MAP2K5: variants seen among roughly 807,000 people sequenced by gnomAD.
MAP2K5 encodes mitogen-activated protein kinase kinase 5.
Under a neutral mutation model 83.1 loss-of-function variants are expected in MAP2K5, and 49 were observed. The ratio of observed to expected loss-of-function variants is 0.59; its 90% confidence interval spans 0.47 to 0.75. The LOEUF is 0.75. Among genes scored for constraint, MAP2K5 ranks in the 30% least tolerant of loss-of-function variants. The pLI, the probability that MAP2K5 is intolerant of heterozygous loss-of-function variation, is 0.00. For synonymous variants in MAP2K5, 202 were observed against 191.8 expected (o/e 1.05, Z -0.44); for missense variants, 457 against 557.5 (o/e 0.82, Z 1.82).
Position 67,543,094 on chromosome 15 carries a change from G to A in MAP2K5, c.-242G>A. ...CCTCCGCTAGTTCCTGCGGGCCTTT[G>A]CCCGCTTCCCGGTGCACCCTCCCCG... On this transcript the variant is annotated 5_prime_UTR_variant, in exon 1 of 22. Coordinates refer to ENST00000178640, the MANE Select transcript of MAP2K5 (RefSeq NM_145160.3). This position sits in a 1 kb window ranked among gnomAD's most constrained non-coding sequence, Gnocchi z 4.3. The A allele has an allele frequency of 1.8e-6, 1 of 551,078 alleles. No individual in the cohort carries two copies. The highest frequency in any genetic ancestry group is 3.3e-6 in the Non-Finnish European group (1 of 306,392). The allele number at this position is 551,078 out of a possible 1,614,324, so 34.1% of individuals were successfully genotyped here. A position where few individuals can be genotyped will look rare whatever the true frequency, so the allele number is the denominator to read the frequency against.
intron 14 of MAP2K5, among the ~76,000 whole-genome samples, chr15:67,693,063 G>A (rs544080152): frequency 6.6e-6 from 1 of 152,166 alleles, no homozygotes; most frequent in African/African-American, 2.4e-5. Context: ...AGCCAAACAC[G>A]AAGACCAAAG....
At chr15:67,645,312 C>G (rs2086806967) in intron 9 of MAP2K5, among the ~76,000 whole-genome samples, 1 of 152,114 alleles carries the variant, frequency 6.6e-6, no homozygotes, top group Non-Finnish European at 1.5e-5. Flanking sequence ...ACCCCCATCT[C>G]TACCAAAAAT....
chr15:67,776,702 A>G (rs2090246339), intron 21 of MAP2K5, among the ~76,000 whole-genome samples: 1 of 152,232 alleles, frequency 6.6e-6, no homozygotes, highest in Non-Finnish European at 1.5e-5. Context: ...TAAAAGGGGT[A>G]TGTGAGATAT....
chr15:67,691,683 C>T (rs1043814800), intron 13 of MAP2K5, among the ~76,000 whole-genome samples: 18 of 152,130 alleles, frequency 1.2e-4, no homozygotes, highest in African/African-American at 3.4e-4. Flanking sequence ...CCTTGGGTGG[C>T]TTTTTTGGGC....
At chr15:67,806,176 G>C (rs900419517) in intron 21 of MAP2K5, among the ~76,000 whole-genome samples, 1 of 152,200 alleles carries the variant, frequency 6.6e-6, no homozygotes, top group Non-Finnish European at 1.5e-5. Context: ...TTTTATAGGA[G>C]AGCTGTAGAC....
At position 67,603,303 on chromosome 15, in the gene MAP2K5, A is replaced by G. The variant is rs148137560; in HGVS notation, c.545+2554A>G. Among the ~76,000 whole-genome samples, 604 of 152,302 alleles carry G rather than the reference A, an allele frequency of 4.0e-3. 4 individuals are homozygous for G. Among genetic ancestry groups the G allele is most frequent in the Middle Eastern group, 6.8e-3 (2 of 294 alleles). On this transcript the variant is annotated intron_variant, in intron 8 of 21. Coordinates refer to ENST00000178640, the MANE Select transcript of MAP2K5 (RefSeq NM_145160.3). ...AACTTCTCCTTTAATTAGGGCTACT[A>G]TGTCAAAGGGACCATTCTTCTATAT...
At chr15:67,628,074 C>A in intron 8 of MAP2K5, 1 of 744,784 alleles carries the variant, frequency 1.3e-6, no homozygotes, top group Non-Finnish European at 2.4e-6. Flanking sequence ...GAATGCAAGG[C>A]CACGCAAGGT....
intron 13 of MAP2K5, 74 bp from the exon 14 acceptor site, chr15:67,692,405 C>T (rs890504069): frequency 5.3e-6 from 5 of 948,738 alleles, no homozygotes; most frequent in African/African-American, 4.9e-5. Flanking sequence ...GTGTGGTGTG[C>T]ATGTGTGCTT....
At chr15:67,725,950 C>T (rs528988225) in intron 16 of MAP2K5, among the ~76,000 whole-genome samples, 4 of 152,276 alleles carry the variant, frequency 2.6e-5, no homozygotes, top group South Asian at 2.1e-4. Flanking sequence ...TTTCCCTCCC[C>T]GTACATAGAC....
intron 8 of MAP2K5, 99 bp from the exon 9 acceptor site, chr15:67,630,789 C>G (rs2086454198): frequency 7.8e-6 from 6 of 771,668 alleles, no homozygotes; most frequent in Non-Finnish European, 1.3e-5. Context: ...ACCATGTATC[C>G]CACTGCTGCA....
intron 19 of MAP2K5, among the ~76,000 whole-genome samples, chr15:67,759,559 C>CAAA (rs57643226): frequency 1.4e-5 from 2 of 141,380 alleles, no homozygotes; most frequent in Admixed American, 7.1e-5. Context: ...GACTGTGTCT[C>CAAA]AAAAAAAAAA....
chr15:67,602,549 A>G (rs1405750073), intron 8 of MAP2K5, among the ~76,000 whole-genome samples: 4 of 152,208 alleles, frequency 2.6e-5, no homozygotes, highest in Non-Finnish European at 5.9e-5. Flanking sequence ...GCTTATTTCT[A>G]GAAGGGAAGA....
At chr15:67,579,902 C>G (rs2085144194) in intron 3 of MAP2K5, among the ~76,000 whole-genome samples, 1 of 152,180 alleles carries the variant, frequency 6.6e-6, no homozygotes, top group Non-Finnish European at 1.5e-5. Flanking sequence ...ATGTTCTGCT[C>G]TTTGACAGCC....
intron 17 of MAP2K5, among the ~76,000 whole-genome samples, chr15:67,737,265 A>G (rs1386310815): frequency 6.6e-6 from 1 of 152,226 alleles, no homozygotes; most frequent in Non-Finnish European, 1.5e-5. Flanking sequence ...CAACAGCAGT[A>G]GTAGCAGCAG....
chr15:67,790,726 C>CA lies in MAP2K5; in HGVS notation c.1243-15917dup, dbSNP rs539334781. Among the ~76,000 whole-genome samples, 1 of 148,164 alleles carries CA rather than the reference C, an allele frequency of 6.7e-6. No individual in the cohort carries two copies. ...GGAGAGCCAGTCACATAAAAACAAA[C>CA]AAACAAAAAAAAAAAAACCTGTGTC... On this transcript the variant is annotated intron_variant, in intron 21 of 21. Coordinates refer to ENST00000178640, the MANE Select transcript of MAP2K5 (RefSeq NM_145160.3). This position sits in a 1 kb window ranked among gnomAD's most constrained non-coding sequence, Gnocchi z 4.6.
At chr15:67,549,319 AT>A in intron 1 of MAP2K5, 1 of 928,192 alleles carries the variant, frequency 1.1e-6, no homozygotes, top group Non-Finnish European at 1.6e-6. Flanking sequence ...CCCTTTTTAG[AT>A]TTTTGTTGTA....
intron 9 of MAP2K5, among the ~76,000 whole-genome samples, chr15:67,645,765 C>G (rs545450316): frequency 6.6e-6 from 1 of 151,394 alleles, no homozygotes; most frequent in East Asian, 2.0e-4. Flanking sequence ...GGTGCTTAGA[C>G]TGGCCATATA....
chr15:67,774,004 G>A lies in MAP2K5; in HGVS notation c.1242+1252G>A, dbSNP rs1489608193. Among the ~76,000 whole-genome samples, 2 of 152,202 alleles carry A rather than the reference G, an allele frequency of 1.3e-5. No individual in the cohort carries two copies. Among genetic ancestry groups the A allele is most frequent in the Admixed American group, 6.5e-5 (1 of 15,276 alleles). On this transcript the variant is annotated intron_variant, in intron 21 of 21. Coordinates refer to ENST00000178640, the MANE Select transcript of MAP2K5 (RefSeq NM_145160.3). The surrounding 1 kb of genome is among the most constrained non-coding windows in gnomAD (Gnocchi z 4.9). Reference sequence around the variant, plus strand: ...TAAATGCATGTTTCAATGCTGCAATGAGTTGGCCACTTATAAATAAAACAT... The same window carrying A: ...TAAATGCATGTTTCAATGCTGCAATAAGTTGGCCACTTATAAATAAAACAT...
At position 67,652,198 on chromosome 15, in the gene MAP2K5, C is replaced by G. The variant is rs1479685446; in HGVS notation, c.736+5729C>G. On this transcript the variant is annotated intron_variant, in intron 11 of 21. Transcript: ENST00000178640. The surrounding 1 kb of genome is among the most constrained non-coding windows in gnomAD (Gnocchi z 4.2). ...AATTCACCAGTGAAATCATCTGGTT[C>G]TGAGGTTTTCGGGGTGTGTCATTAG... Among the ~76,000 whole-genome samples the G allele has an allele frequency of 6.6e-6, 1 of 152,046 alleles. No homozygotes were observed. Among genetic ancestry groups the G allele is most frequent in the African/African-American group, 2.4e-5 (1 of 41,398 alleles).
Sources: gnomAD v4.1 joint callset for allele counts (sites outside exome capture counted in the v4.1 genomes callset) on GRCh38, gnomAD v4.1.1 for gene constraint, Gnocchi (gnomAD v3.1) non-coding constraint, MANE v1.5 for transcripts, NCBI Gene and HGNC (gene_info 2026-07-23, HGNC 2026-07-21) for gene names.